Variants in RBM47 observed in about 807,000 individuals in gnomAD.
RBM47 encodes the protein RNA binding motif protein 47.
A neutral mutation model predicts 47.1 loss-of-function variants in RBM47; 21 were observed. That is an observed-to-expected ratio of 0.45 (90% CI 0.32 to 0.64). The LOEUF (loss-of-function observed/expected upper bound fraction) is 0.64. Ranked by LOEUF, RBM47 falls within the 30% of genes least tolerant of loss-of-function variation. The probability of loss-of-function intolerance (pLI) is 0.05; values close to 1 mark genes in which losing one functional copy is unlikely to be tolerated. For missense variants in RBM47, 708 were observed against 870.9 expected (o/e 0.81, Z 2.35); for synonymous variants, 375 against 361.7 (o/e 1.04, Z -0.42).
In RBM47 at chr4:40,501,063, G is replaced by A. The variant is rs1195543691; in HGVS notation, c.-154-34364C>T. Among the ~76,000 whole-genome samples the A allele has an allele frequency of 2.0e-5, 3 of 151,762 alleles. No homozygotes were observed. The East Asian group carries it at 5.8e-4, about 29-fold the overall frequency. On this transcript the variant is annotated intron_variant, in intron 2 of 6. Coordinates refer to ENST00000295971, the MANE Select transcript of RBM47 (RefSeq NM_001098634.2). The stretch of plus-strand genomic sequence containing the variant: ...CAATGTTAAAAAAAAAAACAAAACA[G>A]CAATATAAAACAAGCGATCCCGGGT...
Position 40,531,992 on chromosome 4 carries a change from ATC to A in RBM47, c.-155+12428_-155+12429del, listed in dbSNP as rs990537138. On this transcript the variant is annotated intron_variant, in intron 2 of 6. Transcript: ENST00000295971. ...CCAGCCTTGGTTTTGCCATACATCA[ATC>A]TCTCTCTTTTTTTTTTATCTTTTTT... Among the ~76,000 whole-genome samples, 5 of 150,786 alleles carry A rather than the reference ATC, an allele frequency of 3.3e-5. No individual in the cohort carries two copies. The South Asian group carries it at 6.3e-4, about 19-fold the overall frequency.
chr4:40,620,234 A>G (rs1040865555), intron 1 of RBM47, among the ~76,000 whole-genome samples: 7 of 144,402 alleles, frequency 4.8e-5, no homozygotes, highest in African/African-American at 7.7e-5. Flanking sequence ...TGGGCCGGGC[A>G]CAGTGGCTCA....
At chr4:40,480,659 TTCTC>T (rs1382646242) in intron 2 of RBM47, among the ~76,000 whole-genome samples, 2 of 152,258 alleles carry the variant, frequency 1.3e-5, no homozygotes, top group South Asian at 2.1e-4. Context: ...TCTTTGCATT[TTCTC>T]TCTAAGCCCT....
intron 2 of RBM47, among the ~76,000 whole-genome samples, chr4:40,495,089 GC>G (rs773566686): frequency 2.0e-4 from 31 of 152,102 alleles, no homozygotes; most frequent in Middle Eastern, 3.4e-3. Flanking sequence ...CTACAGGCAC[GC>G]CCCACCATGC....
At chr4:40,479,817 G>T (rs943677392) in intron 2 of RBM47, among the ~76,000 whole-genome samples, 6 of 151,742 alleles carry the variant, frequency 4.0e-5, no homozygotes, top group Non-Finnish European at 5.9e-5. Context: ...CTGTTTTAAA[G>T]ATTAAAATTA....
intron 2 of RBM47, among the ~76,000 whole-genome samples, chr4:40,488,486 T>C (rs1261264247): frequency 6.6e-6 from 1 of 152,222 alleles, no homozygotes; most frequent in South Asian, 2.1e-4. Flanking sequence ...TTCTCATACC[T>C]TCATTTGTTC....
intron 2 of RBM47, among the ~76,000 whole-genome samples, chr4:40,499,848 C>A (rs1723108530): frequency 1.3e-5 from 2 of 152,224 alleles, no homozygotes; most frequent in South Asian, 4.1e-4. Context: ...GTCATTCATT[C>A]AATAAATGTG....
chr4:40,506,887 C>T (rs1175997595), intron 2 of RBM47, among the ~76,000 whole-genome samples: 1 of 152,152 alleles, frequency 6.6e-6, no homozygotes, highest in East Asian at 1.9e-4. Flanking sequence ...ATAATCCCAG[C>T]ACTTTGGGAG....
intron 2 of RBM47, among the ~76,000 whole-genome samples, chr4:40,487,968 T>A (rs1311982271): frequency 1.3e-5 from 2 of 152,040 alleles, no homozygotes; most frequent in Non-Finnish European, 2.9e-5. Flanking sequence ...TCCTTTCTGT[T>A]CTTTAGTGAA....
chr4:40,433,776 AT>A (rs1165747351), intron 5 of RBM47, among the ~76,000 whole-genome samples: 5 of 151,560 alleles, frequency 3.3e-5, no homozygotes, highest in Non-Finnish European at 7.4e-5. Context: ...GTAAAAAAAA[AT>A]AGCACATTCC....
In RBM47 at chr4:40,432,696, G is replaced by GGCGGCT. The variant is rs759043120; in HGVS notation, c.1491_1496dup (p.Ala501_Ala502dup). 27 of 1,599,414 alleles carry GGCGGCT rather than the reference G, an allele frequency of 1.7e-5. No homozygotes were observed. The highest frequency in any genetic ancestry group is 2.1e-4 in the Middle Eastern group (1 of 4,706). On this transcript the variant is annotated inframe_insertion, in exon 6 of 7. Transcript: ENST00000295971. ...ACACAGTGGGAATGACAGCGGCTGC[G>GGCGGCT]GCGGCTGCGGCCGCGGCTGCGGCGG... is the stretch of plus-strand genomic sequence containing the variant.
chr4:40,584,084 C>T (rs1733303296), intron 1 of RBM47, among the ~76,000 whole-genome samples: 1 of 152,096 alleles, frequency 6.6e-6, no homozygotes, highest in African/African-American at 2.4e-5. Flanking sequence ...CCTACCTCAG[C>T]CTCAGAGCAG....
At chr4:40,540,271 G>C (rs1239969474) in intron 2 of RBM47, among the ~76,000 whole-genome samples, 2 of 151,922 alleles carry the variant, frequency 1.3e-5, no homozygotes, top group African/African-American at 4.8e-5. Flanking sequence ...ATTATCATTT[G>C]TCAATGAAAT....
intron 6 of RBM47, among the ~76,000 whole-genome samples, chr4:40,428,634 C>T (rs1373008130): frequency 6.6e-6 from 1 of 152,220 alleles, no homozygotes; most frequent in East Asian, 1.9e-4. Flanking sequence ...CCATGTGCTA[C>T]AGGACGGCCC....
At position 40,438,699 on chromosome 4, in the gene RBM47, C is replaced by T. The variant is rs769060213; in HGVS notation, c.195G>A (p.Pro65=). Residue 65 remains proline, a synonymous_variant, in exon 4 of 7, where the codon CCG becomes CCA. Coordinates refer to ENST00000295971, the MANE Select transcript of RBM47 (RefSeq NM_001098634.2). The part of the protein sequence containing the change: ...YGGPPPGWEG[P]HPQRGCEVFV... ...AGACCTCGCAGCCACGCTGCGGGTG[C>T]GGGCCCTCCCAGCCGGGCGGTGGGC... 6.2e-7 allele frequency: 1 copy of T among 1,610,986 alleles called. No homozygotes were observed.
intron 3 of RBM47, among the ~76,000 whole-genome samples, chr4:40,444,417 A>G (rs1208379831): frequency 6.8e-6 from 1 of 146,136 alleles, no homozygotes; most frequent in Admixed American, 6.9e-5. Context: ...ACACAACCCT[A>G]TCCTTAAAAA....
At chr4:40,568,971 G>GATC (rs1422815595) in intron 1 of RBM47, among the ~76,000 whole-genome samples, 3 of 141,044 alleles carry the variant, frequency 2.1e-5, no homozygotes, top group African/African-American at 9.0e-5. Flanking sequence ...ACAATAGTGA[G>GATC]ACTCTGTCTC....
rs1456452609 is a variant in RBM47 at position 40,629,545 on chromosome 4, A to C, written c.-389T>G. The C allele has an allele frequency of 6.6e-6, 1 of 150,928 alleles. No individual in the cohort carries two copies. Among genetic ancestry groups the C allele is most frequent in the Non-Finnish European group, 1.5e-5 (1 of 67,774 alleles). 9.3% of individuals were successfully genotyped at this position (150,928 alleles called of 1,614,324 possible). On this transcript the variant is annotated 5_prime_UTR_variant, in exon 1 of 7. Transcript: ENST00000295971. Reference sequence around the variant, plus strand: ...AAACCAAAATAAGGAGTGTCCAGCGACTCCCCACCGCGCCGCTTAAAGCAA... The same window carrying C: ...AAACCAAAATAAGGAGTGTCCAGCGCCTCCCCACCGCGCCGCTTAAAGCAA...
At chr4:40,504,598 T>G (rs1274584453) in intron 2 of RBM47, among the ~76,000 whole-genome samples, 7 of 152,126 alleles carry the variant, frequency 4.6e-5, no homozygotes, top group African/African-American at 1.4e-4. Flanking sequence ...CGACCCTCAT[T>G]GTTGTTTTAA....
Sources: gnomAD v4.1 joint callset for allele counts (sites outside exome capture counted in the v4.1 genomes callset) on GRCh38, gnomAD v4.1.1 for gene constraint, MANE v1.5 for transcripts, NCBI Gene and HGNC (gene_info 2026-07-23, HGNC 2026-07-21) for gene names.